The following TMEM67 variants were observed in gnomAD, a reference collection of about 807,000 sequenced individuals.
TMEM67 encodes meckelin.
Under a neutral mutation model 136.6 loss-of-function variants are expected in TMEM67, and 124 were observed. That is an observed-to-expected ratio of 0.91 (90% CI 0.78 to 1.05). TMEM67 has a LOEUF of 1.05. Among genes scored for constraint, TMEM67 ranks in the 50% least tolerant of loss-of-function variants. The probability of loss-of-function intolerance (pLI) is 0.00; values close to 1 mark genes in which losing one functional copy is unlikely to be tolerated. For missense variants in TMEM67, 1,107 were observed against 1,178.4 expected (o/e 0.94, Z 0.89); for synonymous variants, 364 against 390.5 (o/e 0.93, Z 0.80).
chr8:93,819,960 G>T (rs1809017123), downstream of TMEM67, among the ~76,000 whole-genome samples: 1 of 152,050 alleles, frequency 6.6e-6, no homozygotes, highest in Admixed American at 6.6e-5. Flanking sequence ...CCTCTGTCTG[G>T]CCCTGAAACC....
chr8:93,825,018 A>G, the TMEM67 span, among the ~76,000 whole-genome samples: 829 of 152,308 alleles, frequency 5.4e-3, 4 homozygotes, highest in Non-Finnish European at 8.5e-3. Flanking sequence ...CACCCAGCCT[A>G]TGAGCCTCTT....
the TMEM67 span, among the ~76,000 whole-genome samples, chr8:93,826,998 T>G: frequency 6.6e-6 from 1 of 151,984 alleles, no homozygotes; most frequent in African/African-American, 2.4e-5. Context: ...CCCAGCTAAT[T>G]TTTTGTATTT....
intron 9 of TMEM67, among the ~76,000 whole-genome samples, 167 bp from the exon 10 acceptor site, chr8:93,781,491 C>G (rs1813825013): frequency 6.6e-6 from 1 of 151,384 alleles, no homozygotes; most frequent in African/African-American, 2.5e-5. Context: ...CAGTCTAATT[C>G]TTTCAGGTCT....
intron 11 of TMEM67, among the ~76,000 whole-genome samples, chr8:93,784,498 A>C (rs73694951): frequency 0.018 from 2,786 of 152,294 alleles, 87 homozygotes; most frequent in African/African-American, 0.061. Flanking sequence ...TCCTTCATAG[A>C]CTAGTGGGCA....
chr8:93,816,639 T>A lies in TMEM67; in HGVS notation c.*187T>A. 4.4e-6 allele frequency: 2 copies of A among 449,822 alleles called. No individual in the cohort carries two copies. The highest frequency in any genetic ancestry group is 7.8e-5 in the South Asian group (2 of 25,668). The allele number at this position is 449,822 out of a possible 1,614,324, so 27.9% of individuals were successfully genotyped here. On this transcript the variant is annotated 3_prime_UTR_variant, in exon 28 of 28. Coordinates refer to ENST00000453321, the MANE Select transcript of TMEM67 (RefSeq NM_153704.6). ...CCTGATATAATAGAAAATACTGTTT[T>A]CCCATTGTGTGTAGTATTTAATGCA...
intron 11 of TMEM67, 21 bp downstream of exon 11, chr8:93,782,481 T>C: frequency 6.3e-7 from 1 of 1,586,414 alleles, no homozygotes; most frequent in Non-Finnish European, 8.6e-7. Context: ...ACGATATTAG[T>C]CTATATTTTA....
chr8:93,814,652 CTT>C (rs1298820889), intron 26 of TMEM67, among the ~76,000 whole-genome samples: 20 of 138,490 alleles, frequency 1.4e-4, no homozygotes, highest in East Asian at 2.1e-4. Context: ...TTCTTTCTTT[CTT>C]TTTTTTTTTT....
chr8:93,809,906 T>C lies in TMEM67; in HGVS notation c.2764+19T>C, dbSNP rs1448362320. 3.4e-6 allele frequency: 5 copies of C among 1,453,770 alleles called. No homozygotes were observed. The East Asian group carries it at 1.1e-4, about 33-fold the overall frequency. 90.1% of individuals were successfully genotyped at this position (1,453,770 alleles called of 1,614,324 possible). A position where few individuals can be genotyped will look rare whatever the true frequency, so the allele number is the denominator to read the frequency against. ...TACAATGGTATCTTCTAAATCCCTTTGTAGAACTTGATAACTGTTTTCAAA... is the reference window on the plus strand; with the variant it reads ...TACAATGGTATCTTCTAAATCCCTTCGTAGAACTTGATAACTGTTTTCAAA... On this transcript the variant is annotated intron_variant, in intron 26 of 27. Transcript: ENST00000453321.
In TMEM67 at chr8:93,795,440, G is replaced by A. The variant is rs1017800436; in HGVS notation, c.1706G>A (p.Gly569Asp). 6.2e-7 allele frequency: 1 copy of A among 1,613,912 alleles called. No homozygotes were observed. The highest frequency in any genetic ancestry group is 8.5e-7 in the Non-Finnish European group (1 of 1,180,012). Residue 569 changes from glycine (G) to aspartate (D), a missense_variant, in exon 17 of 28, where the codon GGT (glycine) becomes GAT (aspartate). Transcript: ENST00000453321. Reference sequence around the variant, plus strand: ...GTGAAATTCTTGGTGTACTATGCTGGTGATCTGGCCAATGTTTTCTTTATC... The same window carrying A: ...GTGAAATTCTTGGTGTACTATGCTGATGATCTGGCCAATGTTTTCTTTATC... ...TVVKFLVYYAGDLANVFFIIT... is the reference protein window; with the variant it reads ...TVVKFLVYYADDLANVFFIIT...
chr8:93,804,924 A>T (rs748693971), intron 23 of TMEM67, 46 bp downstream of exon 23: 9 of 1,043,286 alleles, frequency 8.6e-6, no homozygotes, highest in Non-Finnish European at 1.3e-5. Flanking sequence ...TGAGAAGTGG[A>T]TTCTTATAAA....
At chr8:93,775,048 T>C (rs1027991211) in intron 7 of TMEM67, among the ~76,000 whole-genome samples, 2 of 152,228 alleles carry the variant, frequency 1.3e-5, no homozygotes, top group Admixed American at 6.5e-5. Context: ...TGATCACCAT[T>C]TTAACTGGTG....
At chr8:93,829,326 T>G in the TMEM67 span, among the ~76,000 whole-genome samples, 1 of 152,114 alleles carries the variant, frequency 6.6e-6, no homozygotes, top group Non-Finnish European at 1.5e-5. Context: ...CTCACTCAAG[T>G]CTTTCCTCAA....
chr8:93,789,029 C>T (rs771524624), intron 14 of TMEM67, among the ~76,000 whole-genome samples: 2 of 152,144 alleles, frequency 1.3e-5, no homozygotes, highest in Non-Finnish European at 2.9e-5. Flanking sequence ...CGTTTTCCTC[C>T]TAGAGATTAA....
rs543070798 is a variant in TMEM67, at chr8:93,793,114, G to T, written c.1576-84G>T. 4.0e-4 allele frequency: 503 copies of T among 1,256,870 alleles called. No homozygotes were observed. In the African/African-American group the frequency reaches 6.9e-3, roughly 17 times the overall value. The allele number at this position is 1,256,870 out of a possible 1,614,324, so 77.9% of individuals were successfully genotyped here. On this transcript the variant is annotated intron_variant, in intron 15 of 27. Coordinates refer to ENST00000453321, the MANE Select transcript of TMEM67 (RefSeq NM_153704.6). ...ACATTTCCCACCCCACCATTTTTTT[G>T]AGCACTTCCTTACTTGTTCACAGTG...
chr8:93,792,321 A>G (rs1814415788), intron 15 of TMEM67, among the ~76,000 whole-genome samples: 1 of 151,714 alleles, frequency 6.6e-6, no homozygotes, highest in Non-Finnish European at 1.5e-5. Flanking sequence ...ACGGGCACAC[A>G]CCACCACGCC....
intron 4 of TMEM67, among the ~76,000 whole-genome samples, chr8:93,764,889 C>G (rs1397567503): frequency 6.6e-6 from 1 of 152,142 alleles, no homozygotes; most frequent in Non-Finnish European, 1.5e-5. Flanking sequence ...CTCCCTCCCT[C>G]TGTCTCATTC....
At chr8:93,766,132 A>G (rs868730946) in intron 6 of TMEM67, among the ~76,000 whole-genome samples, 1 of 149,886 alleles carries the variant, frequency 6.7e-6, no homozygotes, top group East Asian at 1.9e-4. Flanking sequence ...TTTTTATTTT[A>G]TTTTTGTTTG....
chr8:93,769,450 G>A (rs1446552648), intron 6 of TMEM67: 12 of 166,138 alleles, frequency 7.2e-5, no homozygotes, highest in Non-Finnish European at 1.6e-4. Flanking sequence ...CATCTGTCGC[G>A]GCTCAGACCT....
intron 6 of TMEM67, among the ~76,000 whole-genome samples, chr8:93,772,046 T>A (rs1434699083): frequency 1.3e-5 from 2 of 152,220 alleles, no homozygotes; most frequent in Non-Finnish European, 2.9e-5. Flanking sequence ...ATCTGTAGCC[T>A]TCAAAACCGA....
Sources: gnomAD v4.1 joint callset for allele counts (sites outside exome capture counted in the v4.1 genomes callset) on GRCh38, gnomAD v4.1.1 for gene constraint, MANE v1.5 for transcripts, NCBI Gene and HGNC (gene_info 2026-07-23, HGNC 2026-07-21) for gene names.